Variants in CADM1 observed in about 807,000 individuals in gnomAD.
CADM1 encodes the protein TSLC-1.
Under a neutral mutation model 53.1 loss-of-function variants are expected in CADM1, and 15 were observed. That is an observed-to-expected ratio of 0.28 (90% CI 0.19 to 0.44). The LOEUF (loss-of-function observed/expected upper bound fraction) is 0.44. Among genes scored for constraint, CADM1 ranks in the 20% least tolerant of loss-of-function variants. CADM1 has a pLI of 1.00. For synonymous variants in CADM1, 281 were observed against 243.0 expected (o/e 1.16, Z -1.45); for missense variants, 434 against 611.3 (o/e 0.71, Z 3.06).
At chr11:115,341,739 T>C (rs973404473) in intron 1 of CADM1, among the ~76,000 whole-genome samples, 2 of 152,194 alleles carry the variant, frequency 1.3e-5, no homozygotes, top group African/African-American at 4.8e-5. Context: ...TACCGGTGTG[T>C]GACAGAGAAT....
chr11:115,295,518 A>AT (rs1450548922), intron 1 of CADM1, among the ~76,000 whole-genome samples: 1 of 65,574 alleles, frequency 1.5e-5, no homozygotes, highest in Non-Finnish European at 2.4e-5. Context: ...ATATATATAT[A>AT]TATATATATA....
chr11:115,239,476 A>C (rs1942139829), intron 2 of CADM1, among the ~76,000 whole-genome samples: 1 of 152,196 alleles, frequency 6.6e-6, no homozygotes, highest in Non-Finnish European at 1.5e-5. Flanking sequence ...CTCTTTCAAA[A>C]TCCTTTCTTA....
chr11:115,297,833 G>A (rs1305355316), intron 1 of CADM1, among the ~76,000 whole-genome samples: 1 of 152,140 alleles, frequency 6.6e-6, no homozygotes, highest in Non-Finnish European at 1.5e-5. Flanking sequence ...AGAACACTGG[G>A]GTTTAAGAAT....
At chr11:115,379,461 T>C (rs1946521825) in intron 1 of CADM1, among the ~76,000 whole-genome samples, 1 of 152,166 alleles carries the variant, frequency 6.6e-6, no homozygotes, top group South Asian at 2.1e-4. Context: ...GAAGACCAAA[T>C]GTAGTCTGAT....
chr11:115,490,684 C>A (rs925974792), intron 1 of CADM1, among the ~76,000 whole-genome samples: 1 of 152,154 alleles, frequency 6.6e-6, no homozygotes, highest in Non-Finnish European at 1.5e-5. Flanking sequence ...AGGCGAGAGC[C>A]ACCATGCCCG....
chr11:115,497,476 G>A (rs1367064131), intron 1 of CADM1, among the ~76,000 whole-genome samples: 1 of 152,186 alleles, frequency 6.6e-6, no homozygotes, highest in African/African-American at 2.4e-5. Flanking sequence ...CTGTGCATTT[G>A]TATAAATATC....
At position 115,361,466 on chromosome 11, in the gene CADM1, C is replaced by A. The variant is rs144551946; in HGVS notation, c.125-121046G>T. Reference sequence around the variant, plus strand: ...CACAGTAGATCCAGCACTGTGACTGCTGGATAAAATTGAGTGACTTGTATT... The same window carrying A: ...CACAGTAGATCCAGCACTGTGACTGATGGATAAAATTGAGTGACTTGTATT... On this transcript the variant is annotated intron_variant, in intron 1 of 11. Transcript: ENST00000331581. 4.0e-3 allele frequency among the ~76,000 whole-genome samples: 604 copies of A among 152,222 alleles called. 7 individuals carry two copies. The highest frequency in any genetic ancestry group is 0.014 in the African/African-American group (569 of 41,540).
intron 1 of CADM1, among the ~76,000 whole-genome samples, chr11:115,247,731 A>T (rs1434407921): frequency 6.6e-6 from 1 of 152,164 alleles, no homozygotes; most frequent in Non-Finnish European, 1.5e-5. Context: ...AGTGTCCCTT[A>T]TATTCTGAAA....
chr11:115,233,793 G>C (rs1941911707), intron 3 of CADM1, among the ~76,000 whole-genome samples: 1 of 152,156 alleles, frequency 6.6e-6, no homozygotes, highest in Non-Finnish European at 1.5e-5. Context: ...AATATGCAGT[G>C]GTTCCTAATG....
At chr11:115,432,860 ATTAAC>A (rs537486871) in intron 1 of CADM1, among the ~76,000 whole-genome samples, 76 of 152,340 alleles carry the variant, frequency 5.0e-4, no homozygotes, top group Admixed American at 2.5e-3. Context: ...AGAAAAAGAA[ATTAAC>A]TTAACTTTTA....
chr11:115,404,256 G>A (rs1947240431), intron 1 of CADM1, among the ~76,000 whole-genome samples: 1 of 145,740 alleles, frequency 6.9e-6, no homozygotes, highest in Non-Finnish European at 1.5e-5. Context: ...AACCCAGGAG[G>A]TGGAGGTTGC....
At chr11:115,369,366 G>A (rs776931592) in intron 1 of CADM1, among the ~76,000 whole-genome samples, 1 of 152,142 alleles carries the variant, frequency 6.6e-6, no homozygotes, top group Non-Finnish European at 1.5e-5. Flanking sequence ...CTATGGGAGT[G>A]GTTAATCGGT....
chr11:115,266,123 T>G (rs1943127225), intron 1 of CADM1, among the ~76,000 whole-genome samples: 1 of 152,166 alleles, frequency 6.6e-6, no homozygotes, highest in Non-Finnish European at 1.5e-5. Context: ...AAAGGCAGCC[T>G]TACCCGCCAG....
intron 9 of CADM1, 80 bp downstream of exon 9, chr11:115,198,326 A>G: frequency 9.7e-7 from 1 of 1,029,578 alleles, no homozygotes. Context: ...TCCCTTGAAG[A>G]CTACATTTCT....
rs879434174 is a variant in CADM1 at position 115,308,145 on chromosome 11, G to C, written c.125-67725C>G. Among the ~76,000 whole-genome samples the C allele has an allele frequency of 1.2e-3, 80 of 65,122 alleles. No individual in the cohort carries two copies. In the East Asian group the frequency reaches 0.019, roughly 16 times the overall value. The allele number at this position is 65,122 out of a possible 152,430, so 42.7% of individuals were successfully genotyped here. On this transcript the variant is annotated intron_variant, in intron 1 of 11. Coordinates refer to ENST00000331581, the MANE Select transcript of CADM1 (RefSeq NM_001301043.2). Reference sequence around the variant, plus strand: ...TAAAAGACACAAACTCTCTCTCTGTGTGTGTGTGTGTGTGTGTGTGTGTGT... The same window carrying C: ...TAAAAGACACAAACTCTCTCTCTGTCTGTGTGTGTGTGTGTGTGTGTGTGT...
intron 3 of CADM1, among the ~76,000 whole-genome samples, chr11:115,233,587 T>C (rs1231480946): frequency 6.6e-6 from 1 of 152,144 alleles, no homozygotes; most frequent in Non-Finnish European, 1.5e-5. Flanking sequence ...TACATGCTAT[T>C]GTTAGATCAA....
intron 1 of CADM1, among the ~76,000 whole-genome samples, chr11:115,426,114 T>A (rs982085938): frequency 2.0e-5 from 3 of 152,162 alleles, no homozygotes; most frequent in Non-Finnish European, 2.9e-5. Flanking sequence ...ACTGACATTT[T>A]AAAAAGAAAA....
At chr11:115,236,462 G>A (rs1334075518) in intron 3 of CADM1, among the ~76,000 whole-genome samples, 1 of 152,154 alleles carries the variant, frequency 6.6e-6, no homozygotes, top group Non-Finnish European at 1.5e-5. Flanking sequence ...ACTTGAAAGT[G>A]CTACTTTCAA....
chr11:115,456,472 A>G (rs954199180), intron 1 of CADM1, among the ~76,000 whole-genome samples: 1 of 152,200 alleles, frequency 6.6e-6, no homozygotes, highest in African/African-American at 2.4e-5. Flanking sequence ...TTGATTTTAT[A>G]TAATTTTATC....
Sources: allele counts gnomAD v4.1 joint callset (sites outside exome capture counted in the v4.1 genomes callset), GRCh38; gene constraint gnomAD v4.1.1; transcripts MANE v1.5; gene names NCBI Gene and HGNC (gene_info 2026-07-23, HGNC 2026-07-21).